Variants in DRD3 observed in about 807,000 individuals in gnomAD.
DRD3 encodes dopamine receptor D3.
DRD3 carries 19 observed loss-of-function variants against 36.3 expected under a neutral mutation model. The observed-to-expected ratio is 0.52, with a 90% CI of 0.36 to 0.77. The LOEUF is 0.77. Among genes scored for constraint, DRD3 ranks in the 30% least tolerant of loss-of-function variants. The probability of loss-of-function intolerance (pLI) is 0.00; values close to 1 mark genes in which losing one functional copy is unlikely to be tolerated. For missense variants in DRD3, 465 were observed against 505.3 expected (o/e 0.92, Z 0.77); for synonymous variants, 195 against 203.7 (o/e 0.96, Z 0.36).
intron 1 of DRD3, among the ~76,000 whole-genome samples, chr3:114,189,542 C>T (rs78108816): frequency 0.046 from 7,061 of 152,158 alleles, 223 homozygotes; most frequent in South Asian, 0.079. Context: ...GTATTTGGGC[C>T]GCAGACTAGG....
At chr3:114,177,926 T>C (rs943919738) in intron 1 of DRD3, among the ~76,000 whole-genome samples, 7 of 152,222 alleles carry the variant, frequency 4.6e-5, no homozygotes, top group Admixed American at 2.6e-4. Flanking sequence ...GAAATAGTCA[T>C]GCACAATGAG....
intron 3 of DRD3, among the ~76,000 whole-genome samples, chr3:114,157,437 T>C (rs955082074): frequency 6.6e-6 from 1 of 152,114 alleles, no homozygotes. Context: ...TGATCCTCTT[T>C]TCCATAAAGC....
chr3:114,152,211 C>A (rs1292838711), intron 3 of DRD3, among the ~76,000 whole-genome samples: 1 of 152,142 alleles, frequency 6.6e-6, no homozygotes, highest in Non-Finnish European at 1.5e-5. Flanking sequence ...TTATCCCTCA[C>A]CCCACTCCCC....
In DRD3 at chr3:114,171,835, G is replaced by A; in HGVS notation, c.158C>T (p.Ala53Val). Reference sequence around the variant, plus strand: ...CTGCAGGGCCCGCTCCTTCAGCACAGCCATGCACACCAGGCCATTGCCGAA... The same window carrying A: ...CTGCAGGGCCCGCTCCTTCAGCACAACCATGCACACCAGGCCATTGCCGAA... ...IVFGNGLVCM[A>V]VLKERALQTT... The change falls in exon 2 of 7, where the codon GCT becomes GTT. Residue 53 changes from alanine (A) to valine (V), a missense_variant. Physicochemically the swap from Ala to Val is moderately conservative, Grantham distance 64. Transcript: ENST00000383673. The A allele has an allele frequency of 6.2e-7, 1 of 1,614,024 alleles. No individual in the cohort carries two copies. Among genetic ancestry groups the A allele is most frequent in the Non-Finnish European group, 8.5e-7 (1 of 1,179,946 alleles).
At chr3:114,192,504 C>G (rs953796669) in intron 1 of DRD3, among the ~76,000 whole-genome samples, 1 of 152,196 alleles carries the variant, frequency 6.6e-6, no homozygotes. Flanking sequence ...CATTTTGATA[C>G]ATTTTTTCTC....
intron 2 of DRD3, among the ~76,000 whole-genome samples, chr3:114,165,312 TAAAC>T (rs2077773189): frequency 6.6e-6 from 1 of 152,070 alleles, no homozygotes; most frequent in South Asian, 2.1e-4. Flanking sequence ...GTTAAAAAGT[TAAAC>T]AAAATTTGGG....
At chr3:114,144,554 T>C (rs1374111321) in intron 4 of DRD3, among the ~76,000 whole-genome samples, 1 of 152,230 alleles carries the variant, frequency 6.6e-6, no homozygotes, top group Non-Finnish European at 1.5e-5. Flanking sequence ...CAGCTGGGCC[T>C]GAGCTTCACT....
rs768331895 is a variant in DRD3 at position 114,163,946 on chromosome 3, G to T, written c.271-4079C>A. 2.6e-5 allele frequency among the ~76,000 whole-genome samples: 4 copies of T among 152,008 alleles called. No homozygotes were observed. The East Asian group carries it at 5.8e-4, about 22-fold the overall frequency. On this transcript the variant is annotated intron_variant, in intron 2 of 6. Transcript: ENST00000383673. ...TTAAAACAGATAAAAGTGAAAAAAG[G>T]CCTGGTGTGGTGGCTCCCACCTGTA...
At chr3:114,144,954 C>A (rs1364617291) in intron 4 of DRD3, among the ~76,000 whole-genome samples, 1 of 152,120 alleles carries the variant, frequency 6.6e-6, no homozygotes, top group East Asian at 1.9e-4. Flanking sequence ...TCACTGGGGG[C>A]AACAACACTG....
At chr3:114,139,820 T>G (rs1343409635) in intron 4 of DRD3, 124 bp from the exon 5 acceptor site, 2 of 851,932 alleles carry the variant, frequency 2.3e-6, no homozygotes. Flanking sequence ...GTGGGAAGGA[T>G]GCAGTCTCAG....
chr3:114,196,646 T>C (rs963429420), intron 1 of DRD3, among the ~76,000 whole-genome samples: 2 of 152,240 alleles, frequency 1.3e-5, no homozygotes, highest in African/African-American at 4.8e-5. Context: ...GAACCTTGTA[T>C]GGCCAGTCAT....
chr3:114,170,715 A>T (rs553134901), intron 2 of DRD3, among the ~76,000 whole-genome samples: 1 of 152,246 alleles, frequency 6.6e-6, no homozygotes, highest in South Asian at 2.1e-4. Flanking sequence ...CTCTCCCGTG[A>T]TATGTCATAC....
intron 6 of DRD3, among the ~76,000 whole-genome samples, 185 bp from the exon 7 acceptor site, chr3:114,129,097 C>G (rs1481716342): frequency 3.3e-5 from 5 of 152,094 alleles, no homozygotes; most frequent in African/African-American, 1.2e-4. Context: ...AATCTCAACA[C>G]TTTGGGAGGC....
chr3:114,129,033 C>A (rs2077403242), intron 6 of DRD3, 121 bp from the exon 7 acceptor site: 1 of 1,100,928 alleles, frequency 9.1e-7, no homozygotes, highest in Non-Finnish European at 1.3e-6. Context: ...TTTTGCATAC[C>A]CACTTACTTT....
intron 3 of DRD3, among the ~76,000 whole-genome samples, chr3:114,151,027 C>T (rs967915837): frequency 2.6e-5 from 4 of 152,192 alleles, no homozygotes; most frequent in South Asian, 2.1e-4. Flanking sequence ...AATTAAGATC[C>T]TGCTACCCAC....
At chr3:114,174,164 G>A (rs893709021) in intron 1 of DRD3, among the ~76,000 whole-genome samples, 3 of 152,132 alleles carry the variant, frequency 2.0e-5, no homozygotes, top group Non-Finnish European at 2.9e-5. Context: ...GAGGGCAGCC[G>A]CTACCCTGGA....
intron 3 of DRD3, among the ~76,000 whole-genome samples, chr3:114,152,724 T>C (rs2077629417): frequency 1.3e-5 from 2 of 152,184 alleles, no homozygotes; most frequent in Admixed American, 6.5e-5. Context: ...GGCGCCCTGC[T>C]TCCTGGAACC....
At chr3:114,185,796 C>T (rs1001653896) in intron 1 of DRD3, among the ~76,000 whole-genome samples, 1 of 152,140 alleles carries the variant, frequency 6.6e-6, no homozygotes, top group East Asian at 1.9e-4. Flanking sequence ...CTCCCTCAGC[C>T]TCCTGGGTAG....
intron 2 of DRD3, among the ~76,000 whole-genome samples, chr3:114,162,550 C>T (rs774944930): frequency 5.9e-5 from 9 of 152,174 alleles, no homozygotes; most frequent in East Asian, 3.8e-4. Flanking sequence ...ATTTATTGAA[C>T]GCTTACTAAG....
Sources: gnomAD v4.1 joint callset for allele counts (sites outside exome capture counted in the v4.1 genomes callset) on GRCh38, gnomAD v4.1.1 for gene constraint, MANE v1.5 for transcripts, NCBI Gene and HGNC (gene_info 2026-07-23, HGNC 2026-07-21) for gene names.